Variants in CACNA1C observed in about 807,000 individuals in gnomAD.
CACNA1C encodes the protein calcium voltage-gated channel subunit alpha1 C.
CACNA1C carries 30 observed loss-of-function variants against 229.0 expected under a neutral mutation model. That is an observed-to-expected ratio of 0.13 (90% CI 0.10 to 0.18). The LOEUF is 0.18. Among genes scored for constraint, CACNA1C ranks in the 10% least tolerant of loss-of-function variants. CACNA1C has a pLI of 1.00. For missense variants in CACNA1C, 1,658 were observed against 2,845.0 expected (o/e 0.58, Z 9.49); for synonymous variants, 1,114 against 1,132.5 (o/e 0.98, Z 0.33).
intron 1 of CACNA1C, among the ~76,000 whole-genome samples, chr12:2,115,001 C>T (rs919662042): frequency 1.2e-4 from 18 of 152,226 alleles, no homozygotes; most frequent in African/African-American, 1.7e-4. Context: ...GAGACTAGAG[C>T]GGAGTGACAC....
At position 2,453,572 on chromosome 12, in the gene CACNA1C, A is replaced by C. The variant is rs563831334; in HGVS notation, c.618-3995A>C. ...CTTTTCCCTATTTTTCTTGGTTGCC[A>C]CGAAAAGCCCAAAATTATTGAGTCA... On this transcript the variant is annotated intron_variant, in intron 4 of 46. Transcript: ENST00000399655. 3.3e-5 allele frequency among the ~76,000 whole-genome samples: 5 copies of C among 152,258 alleles called. No homozygotes were observed. In the East Asian group the frequency reaches 9.6e-4, roughly 29 times the overall value.
intron 3 of CACNA1C, among the ~76,000 whole-genome samples, chr12:2,360,048 C>T (rs1025646962): frequency 1.3e-5 from 2 of 151,944 alleles, no homozygotes; most frequent in African/African-American, 2.4e-5. Flanking sequence ...TCCAGGGACA[C>T]GTAGTAAAAA....
At chr12:2,474,440 G>A (rs1325369858) in intron 5 of CACNA1C, among the ~76,000 whole-genome samples, 1 of 152,156 alleles carries the variant, frequency 6.6e-6, no homozygotes, top group Non-Finnish European at 1.5e-5. Context: ...GGTGGATCCC[G>A]TAGGTAGTTT....
In CACNA1C at chr12:2,488,593, G is replaced by A. The variant is rs16929460; in HGVS notation, c.916+2331G>A. The stretch of plus-strand genomic sequence containing the variant: ...TTGCCTCCTACCAAGAGACTCATCA[G>A]ATTGTTTATGTGATGGGTTTATCTT... On this transcript the variant is annotated intron_variant, in intron 6 of 46. Transcript: ENST00000399655. This position sits in a 1 kb window ranked among gnomAD's most constrained non-coding sequence, Gnocchi z 4.0. Among the ~76,000 whole-genome samples the A allele has an allele frequency of 0.037, 5,654 of 152,326 alleles. 365 individuals are homozygous for A. The highest frequency in any genetic ancestry group is 0.13 in the African/African-American group (5,280 of 41,562).
intron 3 of CACNA1C, among the ~76,000 whole-genome samples, chr12:2,302,952 CGGCCCCGGGAGGGG>C (rs1566954867): frequency 1.3e-5 from 2 of 152,194 alleles, no homozygotes; most frequent in African/African-American, 2.4e-5. Context: ...GGGGCTCTTG[CGGCCCCGGGAGGGG>C]GGCCTGGTAA....
intron 29 of CACNA1C, among the ~76,000 whole-genome samples, chr12:2,627,030 TCC>T (rs2087095905): frequency 6.6e-6 from 1 of 152,166 alleles, no homozygotes; most frequent in African/African-American, 2.4e-5. Flanking sequence ...TGTGTGTTCC[TCC>T]TGCAACTAGG....
At chr12:2,660,281 TGGG>T (rs749637678) in intron 34 of CACNA1C, 3 of 151,928 alleles carry the variant, frequency 2.0e-5, no homozygotes, top group Non-Finnish European at 4.4e-5. Context: ...TACAAAAAGA[TGGG>T]GGGGAGAGAA....
chr12:1,993,627 G>GGGGT (rs1555213620), intron 1 of CACNA1C, among the ~76,000 whole-genome samples: 4 of 146,584 alleles, frequency 2.7e-5, no homozygotes, highest in African/African-American at 1.0e-4. Context: ...CTTCATTTGT[G>GGGGT]GTGTGTGTGT....
At chr12:2,193,885 T>C (rs1029726016) in intron 3 of CACNA1C, among the ~76,000 whole-genome samples, 10 of 152,184 alleles carry the variant, frequency 6.6e-5, no homozygotes, top group African/African-American at 2.4e-4. Context: ...ACGTCTGTCT[T>C]GGTATTGAAG....
rs1366153969 is a variant in CACNA1C at position 2,654,748 on chromosome 12, C to G, written c.4141-399C>G. ...GCTTGCCCTAGCCTCAGATCACTCACTCCACATCACTCCAAAATGCAAGAA... is the reference window on the plus strand; with the variant it reads ...GCTTGCCCTAGCCTCAGATCACTCAGTCCACATCACTCCAAAATGCAAGAA... On this transcript the variant is annotated intron_variant, in intron 33 of 46. Coordinates refer to ENST00000399655, the MANE Select transcript of CACNA1C (RefSeq NM_000719.7). The surrounding 1 kb of genome is among the most constrained non-coding windows in gnomAD (Gnocchi z 4.4). 6.6e-6 allele frequency among the ~76,000 whole-genome samples: 1 copy of G among 152,258 alleles called. No homozygotes were observed. The highest frequency in any genetic ancestry group is 1.5e-5 in the Non-Finnish European group (1 of 68,042).
intron 3 of CACNA1C, among the ~76,000 whole-genome samples, chr12:2,172,335 A>G (rs903648801): frequency 6.6e-5 from 10 of 152,238 alleles, no homozygotes; most frequent in African/African-American, 2.4e-4. Context: ...TCAGTTTAAA[A>G]GGCAGCCTTT....
In CACNA1C at chr12:2,418,599, C is replaced by T. The variant is rs116503180; in HGVS notation, c.478-30377C>T. 7.7e-3 allele frequency among the ~76,000 whole-genome samples: 1,168 copies of T among 151,910 alleles called. 12 individuals are homozygous for T. The highest frequency in any genetic ancestry group is 0.025 in the African/African-American group (1,047 of 41,482). Reference sequence around the variant, plus strand: ...GAGGAAAAGGCTCTTGTGTTATGTTCCAGTTATGCACCACAAGGACTGCAT... The same window carrying T: ...GAGGAAAAGGCTCTTGTGTTATGTTTCAGTTATGCACCACAAGGACTGCAT... On this transcript the variant is annotated intron_variant, in intron 3 of 46. Coordinates refer to ENST00000399655, the MANE Select transcript of CACNA1C (RefSeq NM_000719.7).
At chr12:2,613,997 T>C (rs1008510550) in intron 29 of CACNA1C, 8 of 152,246 alleles carry the variant, frequency 5.3e-5, no homozygotes, top group Non-Finnish European at 1.2e-4. Flanking sequence ...CTGGAGAGCC[T>C]GCAGTGGACT....
At chr12:2,499,295 A>G (rs1158304017) in intron 7 of CACNA1C, among the ~76,000 whole-genome samples, 2 of 152,202 alleles carry the variant, frequency 1.3e-5, no homozygotes, top group Non-Finnish European at 2.9e-5. Flanking sequence ...TGGCTTTCAC[A>G]GATTTACACC....
intron 3 of CACNA1C, among the ~76,000 whole-genome samples, chr12:2,136,081 C>T (rs375991050): frequency 1.4e-4 from 21 of 151,296 alleles, no homozygotes; most frequent in African/African-American, 3.6e-4. Context: ...CAGGTGCGTC[C>T]GTCACCCCTT....
chr12:2,398,753 A>G (rs1444017346), intron 3 of CACNA1C, among the ~76,000 whole-genome samples: 1 of 152,208 alleles, frequency 6.6e-6, no homozygotes, highest in Non-Finnish European at 1.5e-5. Context: ...TGCCCAAGAC[A>G]GTTCCTGGTG....
At chr12:2,005,071 C>T (rs1034105509) in intron 1 of CACNA1C, among the ~76,000 whole-genome samples, 4 of 151,692 alleles carry the variant, frequency 2.6e-5, no homozygotes, top group Admixed American at 1.3e-4. Flanking sequence ...GTGGTTTAAC[C>T]CAATCAAGGC....
chr12:2,555,846 T>A (rs1275447722), intron 10 of CACNA1C, among the ~76,000 whole-genome samples: 1 of 152,190 alleles, frequency 6.6e-6, no homozygotes, highest in Non-Finnish European at 1.5e-5. Flanking sequence ...GGCGTTTTCT[T>A]GCTCTGCGAC....
intron 3 of CACNA1C, among the ~76,000 whole-genome samples, chr12:2,399,801 A>C (rs939043486): frequency 2.0e-5 from 3 of 152,314 alleles, no homozygotes; most frequent in Non-Finnish European, 2.9e-5. Context: ...CCTCCTGGCC[A>C]TATCATCCCC....
Sources: gnomAD v4.1 joint callset for allele counts (sites outside exome capture counted in the v4.1 genomes callset) on GRCh38, gnomAD v4.1.1 for gene constraint, Gnocchi (gnomAD v3.1) non-coding constraint, MANE v1.5 for transcripts, NCBI Gene and HGNC (gene_info 2026-07-23, HGNC 2026-07-21) for gene names.